Variants in BTAF1 observed in about 807,000 individuals in gnomAD.
BTAF1 encodes TATA-binding protein-associated factor 172.
BTAF1 carries 38 observed loss-of-function variants against 227.1 expected under a neutral mutation model. That is an observed-to-expected ratio of 0.17 (90% confidence interval 0.13 to 0.22). BTAF1 has a LOEUF of 0.22. BTAF1 is among the 10% of genes least tolerant of loss of function. The pLI, the probability that BTAF1 is intolerant of heterozygous loss-of-function variation, is 1.00. For missense variants in BTAF1, 1,598 were observed against 2,204.0 expected (o/e 0.73, Z 5.51); for synonymous variants, 742 against 751.9 (o/e 0.99, Z 0.21).
chr10:92,028,348 T>G (rs1851667726), intron 37 of BTAF1, among the ~76,000 whole-genome samples: 1 of 152,160 alleles, frequency 6.6e-6, no homozygotes, highest in African/African-American at 2.4e-5. Flanking sequence ...CATTTTAATA[T>G]CAGTGTTAGA....
intron 31 of BTAF1, 35 bp from the exon 32 acceptor site, chr10:92,013,864 T>G (rs1850529939): frequency 6.2e-7 from 1 of 1,612,866 alleles, no homozygotes; most frequent in East Asian, 2.2e-5. Context: ...TATTCTTAAC[T>G]TTTTTGAAGC....
chr10:92,013,781 C>A lies in BTAF1; in HGVS notation c.4426C>A (p.Arg1476=). 1 of 1,613,882 alleles carries A rather than the reference C, an allele frequency of 6.2e-7. No homozygotes were observed. Among genetic ancestry groups the A allele is most frequent in the Non-Finnish European group, 8.5e-7 (1 of 1,179,998 alleles). ...ACCTATATTAGCAAGTAGGGATGCT[C>A]GAAGCTCCAGTCGAGAGCAAGAAGC... ...GKPILASRDA[R]SSSREQEAGV... is the part of the protein sequence containing the mutation. The change falls in exon 31 of 38, where the codon CGA becomes AGA. Residue 1476 remains arginine, a synonymous_variant. Transcript: ENST00000265990.
chr10:92,028,759 A>ATTT (rs10622641), intron 37 of BTAF1, 31 bp from the exon 38 acceptor site: 17,306 of 1,375,142 alleles, frequency 0.013, 10 homozygotes, highest in South Asian at 0.027. Flanking sequence ...CTCTCATTTT[A>ATTT]TTTTTTTTTT....
At chr10:91,956,186 T>C (rs1016147203) in intron 6 of BTAF1, among the ~76,000 whole-genome samples, 2 of 152,154 alleles carry the variant, frequency 1.3e-5, no homozygotes, top group Non-Finnish European at 2.9e-5. Flanking sequence ...AATGTTATGC[T>C]GGACCAGATG....
chr10:91,985,160 G>A (rs567243278), intron 19 of BTAF1, among the ~76,000 whole-genome samples: 158 of 152,078 alleles, frequency 1.0e-3, no homozygotes, highest in Non-Finnish European at 1.7e-3. Context: ...CTGCCACCGA[G>A]TAACCATTAT....
At chr10:92,014,150 C>T in intron 32 of BTAF1, 121 bp downstream of exon 32, 1 of 1,036,218 alleles carries the variant, frequency 9.7e-7, no homozygotes, top group Non-Finnish European at 1.4e-6. Context: ...CAGATAAAGC[C>T]TAAATGATGT....
chr10:91,948,505 T>G (rs1003448431), intron 4 of BTAF1, among the ~76,000 whole-genome samples: 2 of 151,734 alleles, frequency 1.3e-5, no homozygotes, highest in African/African-American at 4.8e-5. Context: ...TCCTCCCATC[T>G]TGCTAGGACC....
chr10:92,015,288 A>G (rs753399468), intron 32 of BTAF1, among the ~76,000 whole-genome samples: 6 of 152,056 alleles, frequency 3.9e-5, no homozygotes, highest in Non-Finnish European at 7.4e-5. Context: ...CTCTTTGAAA[A>G]TTTTTTTATG....
At chr10:91,938,093 A>ATCT (rs1186785097) in intron 2 of BTAF1, among the ~76,000 whole-genome samples, 11 of 152,234 alleles carry the variant, frequency 7.2e-5, no homozygotes, top group Non-Finnish European at 1.2e-4. Flanking sequence ...ACATTTGTAT[A>ATCT]TCTTCTTTGG....
At chr10:91,943,970 G>A (rs927627860) in intron 4 of BTAF1, among the ~76,000 whole-genome samples, 2 of 152,108 alleles carry the variant, frequency 1.3e-5, no homozygotes, top group Non-Finnish European at 2.9e-5. Context: ...GGCCAACATG[G>A]TGAAACCCTG....
chr10:91,975,167 G>C (rs1359152046), intron 14 of BTAF1, among the ~76,000 whole-genome samples: 2 of 152,076 alleles, frequency 1.3e-5, no homozygotes, highest in South Asian at 2.1e-4. Context: ...CCATTCCATT[G>C]CATCTCAGTC....
intron 32 of BTAF1, 120 bp downstream of exon 32, chr10:92,014,149 C>T (rs755628895): frequency 8.6e-6 from 9 of 1,048,278 alleles, no homozygotes; most frequent in African/African-American, 3.2e-5. Flanking sequence ...GCAGATAAAG[C>T]CTAAATGATG....
intron 25 of BTAF1, among the ~76,000 whole-genome samples, chr10:92,007,374 C>A (rs1849994413): frequency 1.3e-5 from 2 of 151,672 alleles, no homozygotes; most frequent in Admixed American, 1.3e-4. Flanking sequence ...ACCACCACGC[C>A]CAGCTAATTT....
intron 14 of BTAF1, 71 bp from the exon 15 acceptor site, chr10:91,980,383 A>G (rs1847978759): frequency 5.4e-6 from 6 of 1,119,116 alleles, no homozygotes; most frequent in Non-Finnish European, 8.1e-6. Flanking sequence ...GTTATTTGAC[A>G]TATAATTCTT....
intron 25 of BTAF1, among the ~76,000 whole-genome samples, chr10:92,002,157 T>G (rs1310154458): frequency 6.6e-6 from 1 of 152,116 alleles, no homozygotes; most frequent in African/African-American, 2.4e-5. Context: ...AATAGCAGGT[T>G]AGACACTGTG....
intron 13 of BTAF1, 96 bp downstream of exon 13, chr10:91,964,297 A>C (rs1342970720): frequency 8.0e-6 from 11 of 1,377,976 alleles, no homozygotes; most frequent in African/African-American, 1.5e-5. Flanking sequence ...CACCTTTAAG[A>C]ATAATATTAT....
chr10:91,932,612 CAT>C (rs1273837470), intron 1 of BTAF1, among the ~76,000 whole-genome samples: 2 of 152,098 alleles, frequency 1.3e-5, no homozygotes, highest in Non-Finnish European at 2.9e-5. Flanking sequence ...AATTAGACCT[CAT>C]GTGACAAATT....
chr10:91,995,770 A>T (rs1038486032), intron 23 of BTAF1, among the ~76,000 whole-genome samples: 3 of 152,200 alleles, frequency 2.0e-5, no homozygotes, highest in Non-Finnish European at 4.4e-5. Flanking sequence ...TGTAAGGCAC[A>T]TCAAACTGTT....
Position 91,997,638 on chromosome 10 carries a change from T to C in BTAF1, c.3547T>C (p.Tyr1183His), listed in dbSNP as rs1259571091. 2 of 1,613,652 alleles carry C rather than the reference T, an allele frequency of 1.2e-6. No individual in the cohort carries two copies. Among genetic ancestry groups the C allele is most frequent in the Admixed American group, 3.3e-5 (2 of 60,008 alleles). The change falls in exon 25 of 38, where the codon TAT (tyrosine) becomes CAT (histidine). Residue 1183 changes from tyrosine (Y) to histidine (H), a missense_variant. Physicochemically the swap from Tyr to His is moderately conservative, Grantham distance 83 (BLOSUM62 2). This residue lies in a region of BTAF1 where 425 missense variants were observed against 491.2 expected (regional missense o/e 0.87). Transcript: ENST00000265990. ...ACAACTAGATGTTGGTATTGTTCCA[T>C]ATATTGTCCTTTTAGTTGTTCCTGT... is the stretch of plus-strand genomic sequence containing the variant. ...MEQLDVGIVP[Y>H]IVLLVVPVLG... is the part of the protein sequence containing the mutation.
Sources: gnomAD v4.1 joint callset for allele counts (sites outside exome capture counted in the v4.1 genomes callset) on GRCh38, gnomAD v4.1.1 for gene constraint, gnomAD v4.1.1 regional missense constraint, MANE v1.5 for transcripts, NCBI Gene and HGNC (gene_info 2026-07-23, HGNC 2026-07-21) for gene names.